CBFB: variants seen among roughly 807,000 people sequenced by gnomAD.
CBFB encodes the protein core-binding factor subunit beta.
Under a neutral mutation model 30.4 loss-of-function variants are expected in CBFB, and 9 were observed. The observed-to-expected ratio is 0.30, with a 90% CI of 0.18 to 0.52. The LOEUF (loss-of-function observed/expected upper bound fraction) is 0.52, where lower values mean the gene tolerates loss of function less well. Among genes scored for constraint, CBFB ranks in the 20% least tolerant of loss-of-function variants. The pLI is 0.97. For synonymous variants in CBFB, 94 were observed against 84.0 expected (o/e 1.12, Z -0.65); for missense variants, 170 against 244.0 (o/e 0.70, Z 2.02).
chr16:67,045,471 T>C (rs964399493), intron 3 of CBFB, among the ~76,000 whole-genome samples: 1 of 151,870 alleles, frequency 6.6e-6, no homozygotes, highest in Non-Finnish European at 1.5e-5. Context: ...GGGCTGAGAT[T>C]GTACCACAAC....
At chr16:67,043,006 G>A (rs536359854) in intron 3 of CBFB, among the ~76,000 whole-genome samples, 1 of 152,304 alleles carries the variant, frequency 6.6e-6, no homozygotes, top group South Asian at 2.1e-4. Context: ...AAAGTGCTGG[G>A]ATTACAGGTG....
chr16:67,070,558 A>G (rs368775314), intron 4 of CBFB, among the ~76,000 whole-genome samples: 1 of 152,174 alleles, frequency 6.6e-6, no homozygotes, highest in East Asian at 1.9e-4. Flanking sequence ...TTAAAAAACT[A>G]AAGTATTTTG....
At chr16:67,090,306 A>C (rs1259713734) in intron 5 of CBFB, among the ~76,000 whole-genome samples, 1 of 152,214 alleles carries the variant, frequency 6.6e-6, no homozygotes, top group African/African-American at 2.4e-5. Context: ...GGCTTTTAAA[A>C]ATAAAAAATA....
chr16:67,075,831 C>T (rs567823589), intron 4 of CBFB, among the ~76,000 whole-genome samples: 3 of 152,260 alleles, frequency 2.0e-5, no homozygotes, highest in African/African-American at 7.2e-5. Context: ...ACAGAACAGG[C>T]CAGTTATGGT....
chr16:67,075,218 T>TAC (rs1961358373), intron 4 of CBFB, among the ~76,000 whole-genome samples: 5 of 135,268 alleles, frequency 3.7e-5, no homozygotes, highest in South Asian at 2.3e-4. Flanking sequence ...TGTGTGTGTG[T>TAC]GTGTGTGTGT....
intron 2 of CBFB, among the ~76,000 whole-genome samples, chr16:67,031,159 A>G (rs969647674): frequency 2.0e-5 from 3 of 152,234 alleles, no homozygotes; most frequent in African/African-American, 7.2e-5. Flanking sequence ...TGATATTTTA[A>G]GTGAAAGCTT....
intron 3 of CBFB, among the ~76,000 whole-genome samples, chr16:67,049,986 G>A: frequency 6.6e-6 from 1 of 151,880 alleles, no homozygotes; most frequent in Non-Finnish European, 1.5e-5. Context: ...TCCTGGTACA[G>A]CCAGGACCCA....
At chr16:67,039,785 C>G (rs891239548) in intron 3 of CBFB, among the ~76,000 whole-genome samples, 1 of 152,126 alleles carries the variant, frequency 6.6e-6, no homozygotes, top group African/African-American at 2.4e-5. Flanking sequence ...TCTGTCACAA[C>G]TACTCATCTC....
chr16:67,049,596 G>A (rs1205851359), intron 3 of CBFB, among the ~76,000 whole-genome samples: 1 of 151,866 alleles, frequency 6.6e-6, no homozygotes. Context: ...CCAGGCTCAA[G>A]CGATTCTTCC....
chr16:67,069,776 G>A (rs577436682), intron 4 of CBFB, among the ~76,000 whole-genome samples: 22 of 152,326 alleles, frequency 1.4e-4, no homozygotes, highest in Admixed American at 1.3e-3. Context: ...GACTTCTCTT[G>A]AAATCATAGA....
At chr16:67,055,944 C>T (rs937250207) in intron 3 of CBFB, among the ~76,000 whole-genome samples, 3 of 152,120 alleles carry the variant, frequency 2.0e-5, no homozygotes, top group Admixed American at 2.0e-4. Context: ...TTACAGCAAG[C>T]GACAGGGTAC....
In CBFB at chr16:67,036,692, G is replaced by T. The variant is rs2145713456; in HGVS notation, c.219G>T (p.Trp73Cys). ...CTCTCCAGTTTTTTCCGGCCAGCTG[G>T]CAGGGAGAACAGCGACAAACACCTA... is the stretch of plus-strand genomic sequence containing the variant. ...NLSLQFFPASWQGEQRQTPSR... is the reference protein window; with the variant it reads ...NLSLQFFPASCQGEQRQTPSR... Residue 73 changes from tryptophan to cysteine, a missense_variant, in exon 3 of 6, where the codon TGG becomes TGT. Trp to Cys is a radical substitution (Grantham distance 215, BLOSUM62 -2). Coordinates refer to ENST00000412916, the MANE Select transcript of CBFB (RefSeq NM_022845.3). 1 of 1,613,956 alleles carries T rather than the reference G, an allele frequency of 6.2e-7. No individual in the cohort carries two copies. The highest frequency in any genetic ancestry group is 8.5e-7 in the Non-Finnish European group (1 of 1,179,888).
intron 4 of CBFB, among the ~76,000 whole-genome samples, chr16:67,081,070 G>A (rs1322318318): frequency 6.6e-6 from 1 of 151,628 alleles, no homozygotes; most frequent in Non-Finnish European, 1.5e-5. Context: ...CTGGTGCGCT[G>A]CAGCCACTAA....
rs565864477 is a variant in CBFB, at chr16:67,029,604, A to G, written c.78+119A>G. On this transcript the variant is annotated intron_variant, in intron 1 of 5. Coordinates refer to ENST00000412916, the MANE Select transcript of CBFB (RefSeq NM_022845.3). Reference sequence around the variant, plus strand: ...CGGTCGGTGCGCCCGCGGAGGGGCAATCTCGCCGGGGCGGCCATCGCCCGC... The same window carrying G: ...CGGTCGGTGCGCCCGCGGAGGGGCAGTCTCGCCGGGGCGGCCATCGCCCGC... 11 of 1,314,136 alleles carry G rather than the reference A, an allele frequency of 8.4e-6. 1 individual carries two copies. The highest frequency in any genetic ancestry group is 2.7e-5 in the South Asian group (2 of 75,134). 81.4% of individuals were successfully genotyped at this position (1,314,136 alleles called of 1,614,324 possible).
In CBFB at chr16:67,029,670, G is replaced by A. The variant is rs1597117048; in HGVS notation, c.79-57G>A. 4 of 1,476,296 alleles carry A rather than the reference G, an allele frequency of 2.7e-6. No individual in the cohort carries two copies. In the East Asian group the frequency reaches 1.0e-4, roughly 37 times the overall value. 91.4% of individuals were successfully genotyped at this position (1,476,296 alleles called of 1,614,324 possible). A position where few individuals can be genotyped will look rare whatever the true frequency, so the allele number is the denominator to read the frequency against. Reference sequence around the variant, plus strand: ...TTATCGGCGCTGCGCTGGGAGGGCGGGCGCGCGGGCGGCGCCGCGGATTTG... The same window carrying A: ...TTATCGGCGCTGCGCTGGGAGGGCGAGCGCGCGGGCGGCGCCGCGGATTTG... On this transcript the variant is annotated intron_variant, in intron 1 of 5. Coordinates refer to ENST00000412916, the MANE Select transcript of CBFB (RefSeq NM_022845.3).
intron 5 of CBFB, among the ~76,000 whole-genome samples, chr16:67,095,210 C>CACAA (rs1962006728): frequency 3.7e-5 from 1 of 27,070 alleles, no homozygotes; most frequent in African/African-American, 1.2e-4. Flanking sequence ...AAGTGTGTCT[C>CACAA]AAAAAAAAAA....
At chr16:67,035,984 A>G (rs1966434482) in intron 2 of CBFB, among the ~76,000 whole-genome samples, 1 of 152,146 alleles carries the variant, frequency 6.6e-6, no homozygotes, top group Admixed American at 6.5e-5. Context: ...TTTTATATTT[A>G]TAAATCTAAT....
At chr16:67,031,631 C>T (rs1205003392) in intron 2 of CBFB, among the ~76,000 whole-genome samples, 1 of 152,192 alleles carries the variant, frequency 6.6e-6, no homozygotes, top group Non-Finnish European at 1.5e-5. Flanking sequence ...CTGCCTCAGC[C>T]TCCTGAGTAG....
At chr16:67,039,983 T>C (rs1232974528) in intron 3 of CBFB, among the ~76,000 whole-genome samples, 1 of 152,222 alleles carries the variant, frequency 6.6e-6, no homozygotes, top group Non-Finnish European at 1.5e-5. Flanking sequence ...ACTACTTCTG[T>C]ACTACTTTTT....
Sources: gnomAD v4.1 joint callset for allele counts (sites outside exome capture counted in the v4.1 genomes callset) on GRCh38, gnomAD v4.1.1 for gene constraint, MANE v1.5 for transcripts, NCBI Gene and HGNC (gene_info 2026-07-23, HGNC 2026-07-21) for gene names.